Variants in GLT1D1 observed in about 807,000 individuals in gnomAD.
GLT1D1 encodes glycosyltransferase 1 domain containing 1, also known as glycosyltransferase 1 domain-containing protein 1.
In GLT1D1, 21 loss-of-function variants were observed where a neutral mutation model predicts 28.7. The ratio of observed to expected loss-of-function variants is 0.73; its 90% confidence interval spans 0.52 to 1.05. The LOEUF is 1.05. GLT1D1 is among the 50% of genes least tolerant of loss of function. The pLI is 0.00. For missense variants in GLT1D1, 343 were observed against 330.6 expected, an observed-to-expected ratio of 1.04 and a Z score of -0.29; for synonymous variants, 147 against 124.8, an observed-to-expected ratio of 1.18 and a Z score of -1.19.
intron 6 of GLT1D1, among the ~76,000 whole-genome samples, chr12:128,947,813 T>C (rs1004970377): frequency 3.3e-5 from 5 of 152,152 alleles, no homozygotes; most frequent in African/African-American, 1.2e-4. Context: ...TCCCTTTACT[T>C]GATCTTTTCT....
chr12:128,962,186 T>C (rs1367950144), intron 7 of GLT1D1, among the ~76,000 whole-genome samples: 1 of 152,132 alleles, frequency 6.6e-6, no homozygotes, highest in Admixed American at 6.5e-5. Flanking sequence ...GTGTGCGTGC[T>C]CCAGTGAGGG....
intron 7 of GLT1D1, among the ~76,000 whole-genome samples, chr12:128,979,083 G>T (rs1236729255): frequency 6.6e-6 from 1 of 152,202 alleles, no homozygotes; most frequent in East Asian, 1.9e-4. Flanking sequence ...CAGCCCAGCA[G>T]GTCTCAGCCT....
intron 7 of GLT1D1, among the ~76,000 whole-genome samples, chr12:128,970,283 C>T (rs935835172): frequency 1.3e-5 from 2 of 152,170 alleles, no homozygotes; most frequent in African/African-American, 2.4e-5. Context: ...CTGGGCACAC[C>T]GTCCTGGGTC....
intron 4 of GLT1D1, among the ~76,000 whole-genome samples, chr12:128,924,890 C>A (rs1325423652): frequency 6.6e-6 from 1 of 152,160 alleles, no homozygotes; most frequent in Admixed American, 6.6e-5. Context: ...CCCAGGCCAG[C>A]CCCGGGTCTT....
chr12:128,982,808 C>T, intron 7 of GLT1D1, 121 bp from the exon 12 acceptor site: 1 of 794,458 alleles, frequency 1.3e-6, no homozygotes, highest in East Asian at 2.6e-5. Context: ...GTCACTCTCT[C>T]CAGGCCCAGG....
At chr12:128,925,022 A>G (rs1873047042) in intron 4 of GLT1D1, among the ~76,000 whole-genome samples, 1 of 147,388 alleles carries the variant, frequency 6.8e-6, no homozygotes, top group South Asian at 2.1e-4. Flanking sequence ...TCTTTTCTTC[A>G]TAAATAAATT....
At chr12:128,874,861 T>C (rs1956834258) in intron 1 of GLT1D1, among the ~76,000 whole-genome samples, 1 of 152,220 alleles carries the variant, frequency 6.6e-6, no homozygotes, top group Admixed American at 6.5e-5. Context: ...ATTAAGCAGA[T>C]GAGCCTTTTT....
intron 4 of GLT1D1, among the ~76,000 whole-genome samples, chr12:128,908,426 CCTTT>C (rs1871165343): frequency 7.2e-6 from 1 of 138,696 alleles, no homozygotes; most frequent in East Asian, 2.1e-4. Flanking sequence ...CTTTTTCTTT[CCTTT>C]CTTCCTTTCT....
chr12:128,901,599 GC>G (rs1870276865), intron 4 of GLT1D1, among the ~76,000 whole-genome samples: 1 of 151,222 alleles, frequency 6.6e-6, no homozygotes, highest in East Asian at 2.0e-4. Flanking sequence ...ACAACGCCCT[GC>G]TAATTTTTGC....
intron 6 of GLT1D1, among the ~76,000 whole-genome samples, chr12:128,952,994 C>A (rs911494163): frequency 2.0e-5 from 3 of 152,016 alleles, no homozygotes; most frequent in African/African-American, 7.2e-5. Context: ...GTTGGCCTAG[C>A]TGGTCTTGAA....
intron 1 of GLT1D1, among the ~76,000 whole-genome samples, chr12:128,855,166 A>G (rs2628598): frequency 0.094 from 13,546 of 144,266 alleles, 697 homozygotes; most frequent in East Asian, 0.2. Context: ...CAGTGAGCCA[A>G]TTGATCTGGG....
At chr12:128,957,761 G>A (rs1029655230) in intron 7 of GLT1D1, 118 bp downstream of exon 11, 27 of 671,130 alleles carry the variant, frequency 4.0e-5, no homozygotes, top group Admixed American at 1.1e-4. Context: ...GGAGCCCTGC[G>A]GAGAGCATGC....
At chr12:128,888,542 T>TAG (rs1868657681) in intron 2 of GLT1D1, 97 bp from the exon 3 acceptor site, 1 of 746,240 alleles carries the variant, frequency 1.3e-6, no homozygotes, top group Admixed American at 2.4e-5. Flanking sequence ...GCTCCGGCGA[T>TAG]CTGGGAACTT....
chr12:128,885,425 G>C (rs1040662463), intron 2 of GLT1D1, among the ~76,000 whole-genome samples: 10 of 152,138 alleles, frequency 6.6e-5, no homozygotes, highest in Non-Finnish European at 1.0e-4. Flanking sequence ...GTTTCACCAT[G>C]TTAGCCAGGC....
At chr12:128,894,252 T>G (rs1409477101) in intron 3 of GLT1D1, among the ~76,000 whole-genome samples, 1 of 152,040 alleles carries the variant, frequency 6.6e-6, no homozygotes, top group Non-Finnish European at 1.5e-5. Context: ...GGACCTGTGA[T>G]GGAATGTGCC....
chr12:128,972,326 G>C (rs887931745), intron 7 of GLT1D1, among the ~76,000 whole-genome samples: 3 of 152,266 alleles, frequency 2.0e-5, no homozygotes, highest in Non-Finnish European at 4.4e-5. Context: ...CGTGTAGGTA[G>C]CTGCGGGAGA....
At chr12:128,967,808 C>A (rs1407474881) in intron 7 of GLT1D1, among the ~76,000 whole-genome samples, 1 of 152,214 alleles carries the variant, frequency 6.6e-6, no homozygotes, top group Non-Finnish European at 1.5e-5. Flanking sequence ...ATCTATAATT[C>A]TTGGAAGTTC....
At chr12:128,877,980 G>C (rs1956913754) in intron 2 of GLT1D1, among the ~76,000 whole-genome samples, 1 of 152,192 alleles carries the variant, frequency 6.6e-6, no homozygotes, top group South Asian at 2.1e-4. Context: ...GCCCTCTTGA[G>C]TGTCCTCACG....
intron 4 of GLT1D1, among the ~76,000 whole-genome samples, chr12:128,928,917 C>T (rs1299300695): frequency 2.6e-5 from 4 of 152,108 alleles, no homozygotes; most frequent in Admixed American, 6.6e-5. Flanking sequence ...CCACCGCACC[C>T]GGCCTCTTTG....
Sources: gnomAD v4.1 joint callset for allele counts (sites outside exome capture counted in the v4.1 genomes callset) on GRCh38, gnomAD v4.1.1 for gene constraint, MANE v1.5 for transcripts, NCBI Gene and HGNC (gene_info 2026-07-23, HGNC 2026-07-21) for gene names.